The following NRXN1 variants were observed in gnomAD, a reference collection of about 807,000 sequenced individuals.
The protein encoded by NRXN1 is neurexin-1.
A neutral mutation model predicts 150.9 loss-of-function variants in NRXN1; 39 were observed. The ratio of observed to expected loss-of-function variants is 0.26; its 90% confidence interval spans 0.20 to 0.34. The LOEUF (loss-of-function observed/expected upper bound fraction) is 0.34, where lower values mean the gene tolerates loss of function less well. Ranked by LOEUF, NRXN1 falls within the 10% of genes least tolerant of loss-of-function variation. The probability of loss-of-function intolerance (pLI) is 1.00; values close to 1 mark genes in which losing one functional copy is unlikely to be tolerated. For missense variants in NRXN1, 1,815 were observed against 1,949.9 expected, an observed-to-expected ratio of 0.93 and a Z score of 1.30; for synonymous variants, 924 against 757.0, an observed-to-expected ratio of 1.22 and a Z score of -3.62.
intron 21 of NRXN1, among the ~76,000 whole-genome samples, chr2:50,016,744 A>T (rs1686692798): frequency 6.6e-6 from 1 of 152,126 alleles, no homozygotes; most frequent in South Asian, 2.1e-4. Flanking sequence ...GATTATTACA[A>T]TTCAAGGTGA....
At chr2:50,780,125 T>G (rs892449754) in intron 5 of NRXN1, among the ~76,000 whole-genome samples, 2 of 152,200 alleles carry the variant, frequency 1.3e-5, no homozygotes, top group African/African-American at 4.8e-5. Context: ...CCAGCGATGA[T>G]TAGCTTTTTT....
chr2:49,934,284 C>T (rs1049249396), intron 22 of NRXN1, among the ~76,000 whole-genome samples: 9 of 152,114 alleles, frequency 5.9e-5, no homozygotes, highest in African/African-American at 2.2e-4. Flanking sequence ...TCCTTCCCTG[C>T]TCTGGAATTG....
intron 5 of NRXN1, among the ~76,000 whole-genome samples, chr2:50,652,906 G>GT (rs956774772): frequency 2.8e-4 from 43 of 152,006 alleles, no homozygotes; most frequent in Admixed American, 2.8e-3. Flanking sequence ...TTATCTTGTG[G>GT]TTTTAACCAT....
intron 18 of NRXN1, among the ~76,000 whole-genome samples, chr2:50,165,752 C>T (rs1367252008): frequency 5.9e-5 from 9 of 152,294 alleles, no homozygotes; most frequent in Admixed American, 3.3e-4. Flanking sequence ...ATGAACAAAT[C>T]GGACAATACT....
chr2:50,640,772 G>T (rs555653267), intron 5 of NRXN1, among the ~76,000 whole-genome samples: 1 of 152,254 alleles, frequency 6.6e-6, no homozygotes, highest in Non-Finnish European at 1.5e-5. Context: ...GCTAAATTCA[G>T]TTGTTTTCAA....
chr2:50,065,931 T>G (rs1199328297), intron 19 of NRXN1, among the ~76,000 whole-genome samples: 1 of 152,214 alleles, frequency 6.6e-6, no homozygotes, highest in African/African-American at 2.4e-5. Flanking sequence ...CAGTAAATTT[T>G]GCTTGGACGT....
At position 50,420,962 on chromosome 2, in the gene NRXN1, CTGTGTGTGTGTGTGTGTGTGTGTGTG is replaced by C. The variant is rs4032055; in HGVS notation, c.3364+44454_3364+44479del. Among the ~76,000 whole-genome samples the C allele has an allele frequency of 4.9e-3, 586 of 120,028 alleles. 3 individuals are homozygous for C. The highest frequency in any genetic ancestry group is 0.017 in the African/African-American group (566 of 33,524). 78.7% of individuals were successfully genotyped at this position (120,028 alleles called of 152,430 possible). On this transcript the variant is annotated intron_variant, in intron 17 of 22. Coordinates refer to ENST00000401669, the MANE Select transcript of NRXN1 (RefSeq NM_001330078.2). Reference sequence around the variant, plus strand: ...CCTGGTCACCCTAGTCAAAATAGACCTGTGTGTGTGTGTGTGTGTGTGTGTGTGTGTGTGTGTGTGTGTGTGTGTGT... The same window carrying C: ...CCTGGTCACCCTAGTCAAAATAGACCTGTGTGTGTGTGTGTGTGTGTGTGT...
At chr2:50,471,258 C>A (rs112454395) in intron 16 of NRXN1, among the ~76,000 whole-genome samples, 40 of 151,764 alleles carry the variant, frequency 2.6e-4, no homozygotes, top group African/African-American at 8.7e-4. Context: ...CCCCTTCCCA[C>A]GATTCCAGCT....
intron 18 of NRXN1, among the ~76,000 whole-genome samples, chr2:50,097,979 T>A (rs1558872671): frequency 1.3e-5 from 2 of 152,088 alleles, no homozygotes. Context: ...GAGGCCCTCT[T>A]GGCTGGTAGA....
intron 5 of NRXN1, among the ~76,000 whole-genome samples, chr2:50,731,092 C>T (rs929358267): frequency 6.6e-6 from 1 of 152,246 alleles, no homozygotes; most frequent in Non-Finnish European, 1.5e-5. Context: ...TGATTTCTGG[C>T]TTTATTTTTC....
At chr2:50,656,308 C>G (rs1200513618) in intron 5 of NRXN1, 1 of 740,524 alleles carries the variant, frequency 1.4e-6, no homozygotes, top group East Asian at 2.5e-5. Flanking sequence ...AGTTACGTAT[C>G]AATTTTAAAA....
intron 5 of NRXN1, among the ~76,000 whole-genome samples, chr2:50,735,187 T>G (rs1698583913): frequency 6.6e-6 from 1 of 152,160 alleles, no homozygotes; most frequent in Non-Finnish European, 1.5e-5. Flanking sequence ...AGTAGAAAGA[T>G]GCCAAAACAT....
intron 17 of NRXN1, among the ~76,000 whole-genome samples, chr2:50,260,172 T>C (rs2068106565): frequency 6.6e-6 from 1 of 151,858 alleles, no homozygotes; most frequent in Non-Finnish European, 1.5e-5. Context: ...GACCCCTCTG[T>C]CTCTTAGAAC....
chr2:50,558,895 A>G (rs941327018), intron 8 of NRXN1, among the ~76,000 whole-genome samples: 1 of 152,100 alleles, frequency 6.6e-6, no homozygotes, highest in African/African-American at 2.4e-5. Context: ...ATCCTGGCTA[A>G]CACGGTGAAA....
At chr2:50,167,969 T>G (rs1212951916) in intron 18 of NRXN1, among the ~76,000 whole-genome samples, 2 of 152,198 alleles carry the variant, frequency 1.3e-5, no homozygotes. Context: ...CCATGCATAT[T>G]TGCTCTGAAA....
At chr2:50,231,950 G>A (rs1035326473) in intron 18 of NRXN1, among the ~76,000 whole-genome samples, 7 of 152,062 alleles carry the variant, frequency 4.6e-5, no homozygotes, top group East Asian at 3.9e-4. Context: ...TCAACACATC[G>A]TAACTTAAAC....
intron 5 of NRXN1, among the ~76,000 whole-genome samples, chr2:50,695,066 T>C (rs1193255636): frequency 6.6e-6 from 1 of 152,080 alleles, no homozygotes; most frequent in Non-Finnish European, 1.5e-5. Flanking sequence ...TTAATTTTGA[T>C]TTATAACTAC....
chr2:50,795,509 C>T (rs1706692112), intron 5 of NRXN1, among the ~76,000 whole-genome samples: 1 of 151,980 alleles, frequency 6.6e-6, no homozygotes. Flanking sequence ...TCCTGCTCCT[C>T]CCTTTCCTTT....
At chr2:50,598,180 C>T (rs969757837) in intron 8 of NRXN1, among the ~76,000 whole-genome samples, 1 of 151,784 alleles carries the variant, frequency 6.6e-6, no homozygotes, top group Non-Finnish European at 1.5e-5. Flanking sequence ...TACCTCTACC[C>T]GGTGAATTTA....
Sources: allele counts gnomAD v4.1 joint callset (sites outside exome capture counted in the v4.1 genomes callset), GRCh38; gene constraint gnomAD v4.1.1; transcripts MANE v1.5; gene names NCBI Gene and HGNC (gene_info 2026-07-23, HGNC 2026-07-21).